CUL4A: variants seen among roughly 807,000 people sequenced by gnomAD.
CUL4A encodes cullin 4A.
CUL4A carries 16 observed loss-of-function variants against 95.5 expected under a neutral mutation model. The ratio of observed to expected loss-of-function variants is 0.17; its 90% CI spans 0.11 to 0.25. The LOEUF (loss-of-function observed/expected upper bound fraction) is 0.25, where lower values mean the gene tolerates loss of function less well. CUL4A is among the 10% of genes least tolerant of loss of function. The pLI is 1.00. For missense variants in CUL4A, 610 were observed against 937.0 expected, an observed-to-expected ratio of 0.65 and a Z score of 4.56; for synonymous variants, 380 against 353.1, an observed-to-expected ratio of 1.08 and a Z score of -0.85.
intron 2 of CUL4A, among the ~76,000 whole-genome samples, chr13:113,214,274 G>T (rs1367828560): frequency 1.3e-5 from 2 of 152,112 alleles, no homozygotes; most frequent in African/African-American, 4.8e-5. Context: ...GTGTAGAGGA[G>T]AATGTTGTGA....
chr13:113,260,066 TG>T (rs1466963269), intron 18 of CUL4A, among the ~76,000 whole-genome samples: 1 of 150,086 alleles, frequency 6.7e-6, no homozygotes, highest in Non-Finnish European at 1.5e-5. Context: ...GAGCCGGGCA[TG>T]GTGGGGGGGC....
chr13:113,231,072 A>G (rs1297877238), intron 5 of CUL4A, among the ~76,000 whole-genome samples: 1 of 152,178 alleles, frequency 6.6e-6, no homozygotes, highest in African/African-American at 2.4e-5. Flanking sequence ...CATGCCCAAC[A>G]CTAAACTCTT....
At chr13:113,252,703 G>A (rs780443703) in intron 15 of CUL4A, among the ~76,000 whole-genome samples, 10 of 152,192 alleles carry the variant, frequency 6.6e-5, no homozygotes, top group Admixed American at 5.9e-4. Flanking sequence ...GCTCATTGCC[G>A]GGAACACCAG....
chr13:113,228,656 G>A (rs1595374418), intron 4 of CUL4A, among the ~76,000 whole-genome samples: 2 of 152,090 alleles, frequency 1.3e-5, no homozygotes, highest in East Asian at 1.9e-4. Context: ...TAGTGGGCTC[G>A]ATGGTAGGAG....
chr13:113,209,641 C>A lies in CUL4A; in HGVS notation c.14C>A (p.Ala5Asp). 3.6e-6 allele frequency: 4 copies of A among 1,100,856 alleles called. No individual in the cohort carries two copies. Among genetic ancestry groups the A allele is most frequent in the Non-Finnish European group, 3.3e-6 (3 of 905,662 alleles). The allele number at this position is 1,100,856 out of a possible 1,614,324, so 68.2% of individuals were successfully genotyped here. MADE[A>D]PRKGSFSALV... is the part of the protein sequence containing the mutation. ...TCCGGCCCAGCCATGGCGGACGAGG[C>A]CCCGCGGAAGGGCAGCTTCTCGGCG... The change falls in exon 1 of 20, where the codon GCC (alanine) becomes GAC (aspartate). Residue 5 changes from alanine to aspartate, a missense_variant. Physicochemically the swap from Ala to Asp is moderately radical, Grantham distance 126 (BLOSUM62 -2). Around this residue, in one of 10 missense-constraint regions of CUL4A, gnomAD observed 168 missense variants for 185.5 expected, o/e 0.91. Coordinates refer to ENST00000375440, the MANE Select transcript of CUL4A (RefSeq NM_001008895.4).
chr13:113,225,671 G>C (rs1476614818), intron 3 of CUL4A, among the ~76,000 whole-genome samples: 4 of 152,202 alleles, frequency 2.6e-5, no homozygotes, highest in Non-Finnish European at 5.9e-5. Flanking sequence ...TGGCCCGCCT[G>C]CCCGCAGAGA....
intron 19 of CUL4A, among the ~76,000 whole-genome samples, chr13:113,261,232 T>A (rs2042266598): frequency 6.6e-6 from 1 of 152,202 alleles, no homozygotes; most frequent in Admixed American, 6.5e-5. Context: ...TGAGATTTAC[T>A]GTCCTGCCAC....
intron 9 of CUL4A, among the ~76,000 whole-genome samples, chr13:113,237,935 A>T (rs2041597593): frequency 6.6e-6 from 1 of 152,226 alleles, no homozygotes; most frequent in African/African-American, 2.4e-5. Flanking sequence ...TGAAATCATT[A>T]TCCCCATTCT....
intron 15 of CUL4A, among the ~76,000 whole-genome samples, chr13:113,248,851 G>A (rs1319029709): frequency 6.6e-6 from 1 of 152,118 alleles, no homozygotes; most frequent in Non-Finnish European, 1.5e-5. Context: ...GCCTTTTAGG[G>A]GATCACTGAC....
At chr13:113,240,895 C>T (rs2041689645) in intron 10 of CUL4A, among the ~76,000 whole-genome samples, 1 of 152,162 alleles carries the variant, frequency 6.6e-6, no homozygotes, top group South Asian at 2.1e-4. Flanking sequence ...GTTTCGCAAA[C>T]CGTTGCCATT....
chr13:113,265,264 G>C lies in CUL4A; in HGVS notation c.*1682G>C, dbSNP rs1257806552. On this transcript the variant is annotated 3_prime_UTR_variant, in exon 20 of 20. Transcript: ENST00000375440. Reference sequence around the variant, plus strand: ...GGACGATTCGTTGTGCTGTGCCTTTGTTTCATTTGAGCACAGTGGCTCACG... The same window carrying C: ...GGACGATTCGTTGTGCTGTGCCTTTCTTTCATTTGAGCACAGTGGCTCACG... 2.0e-5 allele frequency: 3 copies of C among 152,216 alleles called. No homozygotes were observed. The highest frequency in any genetic ancestry group is 7.2e-5 in the African/African-American group (3 of 41,444). 9.4% of individuals were successfully genotyped at this position (152,216 alleles called of 1,614,324 possible). A position where few individuals can be genotyped will look rare whatever the true frequency, so the allele number is the denominator to read the frequency against.
chr13:113,223,947 C>A (rs925527635), intron 3 of CUL4A, among the ~76,000 whole-genome samples: 1 of 152,154 alleles, frequency 6.6e-6, no homozygotes, highest in African/African-American at 2.4e-5. Context: ...CCATTTGTAC[C>A]CTTGCACTCA....
intron 15 of CUL4A, among the ~76,000 whole-genome samples, chr13:113,246,972 T>C (rs2041873804): frequency 6.6e-6 from 1 of 152,196 alleles, no homozygotes; most frequent in Admixed American, 6.5e-5. Flanking sequence ...AGAGTTTTCA[T>C]TGGCTCATGG....
intron 10 of CUL4A, among the ~76,000 whole-genome samples, chr13:113,239,908 T>TG (rs1328836593): frequency 2.6e-5 from 4 of 152,266 alleles, no homozygotes; most frequent in African/African-American, 9.6e-5. Context: ...GATCTCCTCA[T>TG]GCCCTTTCCT....
At chr13:113,217,364 A>G (rs2040732584) in intron 2 of CUL4A, among the ~76,000 whole-genome samples, 1 of 152,232 alleles carries the variant, frequency 6.6e-6, no homozygotes, top group Admixed American at 6.5e-5. Context: ...TAAAGTAAAT[A>G]CAGAATGTGG....
At chr13:113,248,390 T>C (rs566989114) in intron 15 of CUL4A, among the ~76,000 whole-genome samples, 10 of 152,256 alleles carry the variant, frequency 6.6e-5, no homozygotes, top group Non-Finnish European at 1.3e-4. Flanking sequence ...TATGTACTTA[T>C]TTTGATGCTT....
At position 113,217,409 on chromosome 13, in the gene CUL4A, A is replaced by T. The variant is rs767309045; in HGVS notation, c.265-1536A>T. Among the ~76,000 whole-genome samples, 3 of 152,368 alleles carry T rather than the reference A, an allele frequency of 2.0e-5. No homozygotes were observed. The Middle Eastern group carries it at 0.01, about 518-fold the overall frequency. On this transcript the variant is annotated intron_variant, in intron 2 of 19. Transcript: ENST00000375440. ...CCGTTTCTATAGTAAGACAAAATGT[A>T]GGGGGAAAGTTTGTATTTCTTTGTT...
chr13:113,208,375 G>A, upstream of CUL4A: 1 of 1,435,344 alleles, frequency 7.0e-7, no homozygotes, highest in Non-Finnish European at 9.1e-7. Context: ...GCGATCCACG[G>A]ACACCGCCCG....
chr13:113,266,169 C>G lies in CUL4A; in HGVS notation c.*2587C>G, dbSNP rs1443758788. ...TAGCTGGGCCTACAGGTGTACATCA[C>G]CACGCCCAGATAATTTTTATTGTAT... On this transcript the variant is annotated 3_prime_UTR_variant, in exon 20 of 20. Coordinates refer to ENST00000375440, the MANE Select transcript of CUL4A (RefSeq NM_001008895.4). 1 of 152,130 alleles carries G rather than the reference C, an allele frequency of 6.6e-6. No homozygotes were observed. Among genetic ancestry groups the G allele is most frequent in the Non-Finnish European group, 1.5e-5 (1 of 68,032 alleles). The allele number at this position is 152,130 out of a possible 1,614,324, so 9.4% of individuals were successfully genotyped here.
Sources: gnomAD v4.1 joint callset for allele counts (sites outside exome capture counted in the v4.1 genomes callset) on GRCh38, gnomAD v4.1.1 for gene constraint, gnomAD v4.1.1 regional missense constraint, MANE v1.5 for transcripts, NCBI Gene and HGNC (gene_info 2026-07-23, HGNC 2026-07-21) for gene names.